DPP6: variants seen among roughly 807,000 people sequenced by gnomAD.
DPP6 encodes the protein dipeptidyl peptidase like 6, also known as A-type potassium channel modulatory protein DPP6.
In DPP6, 69 loss-of-function variants were observed where a neutral mutation model predicts 122.6. That is an observed-to-expected ratio of 0.56 (90% CI 0.46 to 0.69). DPP6 has a LOEUF of 0.69. Among genes scored for constraint, DPP6 ranks in the 30% least tolerant of loss-of-function variants. The pLI is 0.00. For synonymous variants in DPP6, 418 were observed against 433.1 expected (o/e 0.97, Z 0.43); for missense variants, 928 against 1,116.9 (o/e 0.83, Z 2.41).
chr7:154,235,643 G>A lies in DPP6; in HGVS notation c.243+182580G>A, dbSNP rs141703380. Among the ~76,000 whole-genome samples, 883 of 150,888 alleles carry A rather than the reference G, an allele frequency of 5.9e-3. 15 individuals carry two copies. The highest frequency in any genetic ancestry group is 0.02 in the African/African-American group (828 of 40,702). On this transcript the variant is annotated intron_variant, in intron 1 of 25. Coordinates refer to ENST00000377770, the MANE Select transcript of DPP6 (RefSeq NM_130797.4). Reference sequence around the variant, plus strand: ...TTAGTATCACCAGTGTGCTTGGATGGATTGCGATTTGCCCAGTTTGCTGTT... The same window carrying A: ...TTAGTATCACCAGTGTGCTTGGATGAATTGCGATTTGCCCAGTTTGCTGTT...
At chr7:154,304,696 G>GA (rs141254819) in intron 1 of DPP6, among the ~76,000 whole-genome samples, 14,259 of 152,150 alleles carry the variant, frequency 0.094, 741 homozygotes, top group Admixed American at 0.15. Flanking sequence ...TCTGAATTTT[G>GA]AGGAAAACAA....
intron 1 of DPP6, among the ~76,000 whole-genome samples, chr7:153,918,052 A>G (rs929395166): frequency 6.6e-6 from 1 of 152,204 alleles, no homozygotes; most frequent in Admixed American, 6.5e-5. Flanking sequence ...AACAAATAAG[A>G]ACATGCTATA....
chr7:154,860,524 C>T (rs1803294085), intron 17 of DPP6, among the ~76,000 whole-genome samples: 2 of 152,214 alleles, frequency 1.3e-5, no homozygotes, highest in Admixed American at 1.3e-4. Context: ...CAATGAGGGG[C>T]TGCCTCTGCA....
chr7:154,509,685 T>C (rs1043052798), intron 3 of DPP6, among the ~76,000 whole-genome samples: 15 of 152,226 alleles, frequency 9.9e-5, no homozygotes, highest in Non-Finnish European at 4.4e-5. Flanking sequence ...CTAATGTTTG[T>C]AATAATATTC....
chr7:154,633,580 C>T (rs1451796336), intron 5 of DPP6, among the ~76,000 whole-genome samples: 1 of 152,164 alleles, frequency 6.6e-6, no homozygotes, highest in African/African-American at 2.4e-5. Context: ...ACAACATTGA[C>T]CACAGAAAAA....
At chr7:154,005,733 G>A (rs1797886490) in intron 1 of DPP6, among the ~76,000 whole-genome samples, 1 of 150,426 alleles carries the variant, frequency 6.6e-6, no homozygotes, top group Admixed American at 6.6e-5. Flanking sequence ...TGCTGGAGCA[G>A]GGAGGTGTGA....
intron 3 of DPP6, among the ~76,000 whole-genome samples, chr7:154,523,454 C>G (rs1432015062): frequency 2.0e-5 from 3 of 151,848 alleles, no homozygotes; most frequent in Non-Finnish European, 4.4e-5. Flanking sequence ...TGTATCTTCC[C>G]ATACATCCAC....
chr7:154,063,187 C>G (rs567180265), intron 1 of DPP6, among the ~76,000 whole-genome samples: 2 of 129,392 alleles, frequency 1.5e-5, no homozygotes, highest in African/African-American at 5.6e-5. Context: ...TGTTAGTACC[C>G]CCATCGCAGG....
intron 1 of DPP6, among the ~76,000 whole-genome samples, chr7:154,003,611 G>A (rs1183151604): frequency 6.6e-6 from 1 of 152,048 alleles, no homozygotes; most frequent in African/African-American, 2.4e-5. Flanking sequence ...TTAATAAGAA[G>A]GGTTTGGAAT....
At chr7:154,058,494 T>G (rs183819485) in intron 1 of DPP6, 1 of 108,984 alleles carries the variant, frequency 9.2e-6, no homozygotes, top group Non-Finnish European at 1.9e-5. Context: ...GGAGGCACCC[T>G]CCGCGAGGCA....
chr7:154,654,221 C>T (rs948918835), intron 6 of DPP6, among the ~76,000 whole-genome samples: 1 of 151,810 alleles, frequency 6.6e-6, no homozygotes, highest in Non-Finnish European at 1.5e-5. Flanking sequence ...AGGGGTGTCC[C>T]GGAACCAATC....
chr7:154,446,183 C>G, intron 1 of DPP6, 31 bp from the exon 2 acceptor site: 1 of 1,397,856 alleles, frequency 7.2e-7, no homozygotes, highest in South Asian at 1.2e-5. Context: ...ATTTCACTCA[C>G]TGGGGTTTTC....
At chr7:154,464,271 C>T (rs1821595065) in intron 2 of DPP6, among the ~76,000 whole-genome samples, 1 of 152,336 alleles carries the variant, frequency 6.6e-6, no homozygotes, top group East Asian at 1.9e-4. Context: ...CCCACAGTCA[C>T]TGCATTCTCC....
At chr7:153,771,920 T>G in the DPP6 span, among the ~76,000 whole-genome samples, 1 of 152,098 alleles carries the variant, frequency 6.6e-6, no homozygotes, top group Non-Finnish European at 1.5e-5. Flanking sequence ...ATAAAATTAG[T>G]TTTTTATACC....
At chr7:154,427,115 TATA>T (rs1489581017) in intron 1 of DPP6, among the ~76,000 whole-genome samples, 1 of 152,204 alleles carries the variant, frequency 6.6e-6, no homozygotes, top group Non-Finnish European at 1.5e-5. Context: ...AGTTTTATCT[TATA>T]ATCACATTTT....
intron 1 of DPP6, among the ~76,000 whole-genome samples, chr7:154,147,708 C>G (rs1481290674): frequency 7.3e-6 from 1 of 137,178 alleles, no homozygotes; most frequent in African/African-American, 3.4e-5. Context: ...AAACACATAC[C>G]TATATATATA....
intron 1 of DPP6, among the ~76,000 whole-genome samples, chr7:153,932,896 C>T (rs116747868): frequency 0.012 from 1,888 of 152,204 alleles, 39 homozygotes; most frequent in African/African-American, 0.043. Flanking sequence ...ATGGGCGGGA[C>T]GTGGCGGGAG....
intron 7 of DPP6, among the ~76,000 whole-genome samples, chr7:154,721,359 GC>G (rs1475280049): frequency 1.3e-5 from 2 of 152,132 alleles, no homozygotes; most frequent in Non-Finnish European, 2.9e-5. Flanking sequence ...TGGGCAAGTT[GC>G]TTAACAGCTC....
At chr7:154,828,969 A>G (rs1800408209) in intron 16 of DPP6, among the ~76,000 whole-genome samples, 1 of 152,224 alleles carries the variant, frequency 6.6e-6, no homozygotes, top group Non-Finnish European at 1.5e-5. Flanking sequence ...GTACCTTTGT[A>G]AGTCATGCTA....
Sources: allele counts gnomAD v4.1 joint callset (sites outside exome capture counted in the v4.1 genomes callset), GRCh38; gene constraint gnomAD v4.1.1; transcripts MANE v1.5; gene names NCBI Gene and HGNC (gene_info 2026-07-23, HGNC 2026-07-21).